Variants in PIWIL2 observed in about 807,000 individuals in gnomAD.
The protein encoded by PIWIL2 is piwi-like protein 2.
Under a neutral mutation model 116.5 loss-of-function variants are expected in PIWIL2, and 81 were observed. That is an observed-to-expected ratio of 0.70 (90% CI 0.58 to 0.84). The LOEUF is 0.84. Among genes scored for constraint, PIWIL2 ranks in the 40% least tolerant of loss-of-function variants. The probability of loss-of-function intolerance (pLI) is 0.00; values close to 1 mark genes in which losing one functional copy is unlikely to be tolerated. For missense variants in PIWIL2, 1,272 were observed against 1,212.3 expected (o/e 1.05, Z -0.73); for synonymous variants, 489 against 429.5 (o/e 1.14, Z -1.71).
intron 10 of PIWIL2, among the ~76,000 whole-genome samples, chr8:22,293,858 T>C (rs1319543121): frequency 6.6e-6 from 1 of 152,212 alleles, no homozygotes; most frequent in Non-Finnish European, 1.5e-5. Context: ...TTTTGATATT[T>C]GTCAGAATTT....
intron 1 of PIWIL2, among the ~76,000 whole-genome samples, chr8:22,277,402 A>G (rs1830402110): frequency 6.6e-6 from 1 of 152,222 alleles, no homozygotes; most frequent in South Asian, 2.1e-4. Context: ...CACCCCGGGT[A>G]ACCTGGGAGA....
At position 22,354,368 on chromosome 8, in the gene PIWIL2, C is replaced by T; in HGVS notation, c.2755C>T (p.His919Tyr). 6.2e-7 allele frequency: 1 copy of T among 1,605,286 alleles called. No homozygotes were observed. ...CAACACCGCAAACCTGAGCCCTGAT[C>T]ATATGCAGAGGTGGGCCCATCAGTA... ...VLNTANLSPD[H>Y]MQRLTFKLCH... The change falls in exon 22 of 23, where the codon CAT (histidine) becomes TAT (tyrosine). Residue 919 changes from histidine (H) to tyrosine (Y), a missense_variant. His to Tyr is a moderately conservative substitution (Grantham distance 83, BLOSUM62 2). Coordinates refer to ENST00000356766, the MANE Select transcript of PIWIL2 (RefSeq NM_018068.5).
At position 22,285,356 on chromosome 8, in the gene PIWIL2, C is replaced by G. The variant is rs547700104; in HGVS notation, c.743+1084C>G. On this transcript the variant is annotated intron_variant, in intron 6 of 22. Coordinates refer to ENST00000356766, the MANE Select transcript of PIWIL2 (RefSeq NM_018068.5). The stretch of plus-strand genomic sequence containing the variant: ...TTCTGTGCCTATCTTATTTCACTTA[C>G]CATAATACTCTCCAGATCCTTTCAT... 3.3e-5 allele frequency among the ~76,000 whole-genome samples: 5 copies of G among 152,284 alleles called. No homozygotes were observed. In the South Asian group the frequency reaches 1.0e-3, roughly 32 times the overall value.
chr8:22,279,665 T>C, intron 2 of PIWIL2, 81 bp downstream of exon 2: 1 of 1,369,550 alleles, frequency 7.3e-7, no homozygotes. Context: ...TTCAAAGTGC[T>C]TGCAGGGCTG....
At chr8:22,335,603 A>G (rs921613217) in intron 20 of PIWIL2, among the ~76,000 whole-genome samples, 1 of 138,486 alleles carries the variant, frequency 7.2e-6, no homozygotes, top group African/African-American at 2.7e-5. Context: ...GCTGGAGTGC[A>G]GTGGCATGAT....
At chr8:22,347,089 T>A (rs1200519338) in intron 20 of PIWIL2, among the ~76,000 whole-genome samples, 1 of 151,212 alleles carries the variant, frequency 6.6e-6, no homozygotes, top group African/African-American at 2.4e-5. Flanking sequence ...GAGGATTGCT[T>A]GAGTTCAGGA....
intron 20 of PIWIL2, among the ~76,000 whole-genome samples, chr8:22,344,283 A>G (rs962955704): frequency 3.3e-5 from 5 of 152,224 alleles, no homozygotes; most frequent in African/African-American, 4.8e-5. Context: ...AACATTATGC[A>G]TTTGTCAAAA....
At chr8:22,315,374 T>C (rs1461546352) in intron 18 of PIWIL2, among the ~76,000 whole-genome samples, 4 of 152,228 alleles carry the variant, frequency 2.6e-5, no homozygotes, top group Admixed American at 6.5e-5. Context: ...TGGAGTGCGA[T>C]GGCACGATCT....
At chr8:22,327,323 T>G (rs1345528819) in intron 20 of PIWIL2, among the ~76,000 whole-genome samples, 1 of 149,078 alleles carries the variant, frequency 6.7e-6, no homozygotes, top group Non-Finnish European at 1.5e-5. Context: ...CCTGGCCTTT[T>G]CAGTTTTTTT....
intron 20 of PIWIL2, 121 bp from the exon 21 acceptor site, chr8:22,352,838 G>C: frequency 1.0e-6 from 1 of 962,570 alleles, no homozygotes; most frequent in Non-Finnish European, 1.5e-6. Flanking sequence ...CAGTAGCTTT[G>C]GCACTAACTG....
At chr8:22,345,274 TTGTGTACCCAAGAAAATTGAAAACAC>T (rs371929652) in intron 20 of PIWIL2, among the ~76,000 whole-genome samples, 9,195 of 152,220 alleles carry the variant, frequency 0.06, 348 homozygotes, top group Admixed American at 0.091. Context: ...ATTGAAAACA[TTGTGTACCCAAGAAAATTGAAAACAC>T]AAGTCCACAC....
chr8:22,346,035 A>G (rs997685739), intron 20 of PIWIL2, among the ~76,000 whole-genome samples: 2 of 152,080 alleles, frequency 1.3e-5, no homozygotes, highest in African/African-American at 4.8e-5. Flanking sequence ...TTCTGAAAGT[A>G]ATAAAAAACC....
At chr8:22,331,961 CTAACAATGGA>C (rs1482582336) in intron 20 of PIWIL2, among the ~76,000 whole-genome samples, 2 of 152,048 alleles carry the variant, frequency 1.3e-5, no homozygotes, top group Non-Finnish European at 2.9e-5. Context: ...AATTCATCCC[CTAACAATGGA>C]TAACAGTAGC....
Position 22,352,978 on chromosome 8 carries a change from A to C in PIWIL2, c.2423A>C (p.Glu808Ala), listed in dbSNP as rs1163525910. The C allele has an allele frequency of 6.2e-7, 1 of 1,613,322 alleles. No individual in the cohort carries two copies. Among genetic ancestry groups the C allele is most frequent in the Non-Finnish European group, 8.5e-7 (1 of 1,179,346 alleles). ...TTTCAGGTGAACCACTGTCTACCAG[A>C]GAAGATTGTGGTGTACCGTGATGGA... Reference protein sequence around the residue: ...KFYEVNHCLPEKIVVYRDGVS... With the variant: ...KFYEVNHCLPAKIVVYRDGVS... The change falls in exon 21 of 23, where the codon GAG becomes GCG. Residue 808 changes from glutamate to alanine, a missense_variant. Glu to Ala is a moderately radical substitution (Grantham distance 107). Transcript: ENST00000356766.
chr8:22,349,548 G>A (rs183331807), intron 20 of PIWIL2, among the ~76,000 whole-genome samples: 1 of 151,826 alleles, frequency 6.6e-6, no homozygotes, highest in Non-Finnish European at 1.5e-5. Context: ...CACAGCTAAA[G>A]GAGTAGCAGA....
intron 18 of PIWIL2, among the ~76,000 whole-genome samples, chr8:22,315,953 A>G (rs902277571): frequency 7.2e-5 from 11 of 152,182 alleles, no homozygotes; most frequent in African/African-American, 2.7e-4. Flanking sequence ...GGTGCTCAAA[A>G]GCTTTTCAGA....
At chr8:22,307,853 T>C in intron 13 of PIWIL2, 80 bp from the exon 14 acceptor site, 1 of 1,090,618 alleles carries the variant, frequency 9.2e-7, no homozygotes, top group Non-Finnish European at 1.3e-6. Flanking sequence ...AAGAGAAACA[T>C]TTTAGACCTA....
At chr8:22,288,500 A>T in intron 7 of PIWIL2, 42 bp from the exon 8 acceptor site, 1 of 1,561,558 alleles carries the variant, frequency 6.4e-7, no homozygotes, top group Non-Finnish European at 8.8e-7. Context: ...ATTAGTTCTT[A>T]GTTTTGTCAT....
chr8:22,337,276 A>G (rs953755433), intron 20 of PIWIL2, among the ~76,000 whole-genome samples: 3 of 152,080 alleles, frequency 2.0e-5, no homozygotes, highest in Non-Finnish European at 1.5e-5. Context: ...CACACACACA[A>G]TTAGAGCTAA....
Sources: gnomAD v4.1 joint callset for allele counts (sites outside exome capture counted in the v4.1 genomes callset) on GRCh38, gnomAD v4.1.1 for gene constraint, MANE v1.5 for transcripts, NCBI Gene and HGNC (gene_info 2026-07-23, HGNC 2026-07-21) for gene names.